CRISP2: variants seen among roughly 807,000 people sequenced by gnomAD.
The protein encoded by CRISP2 is cysteine rich secretory protein 2.
A neutral mutation model predicts 31.7 loss-of-function variants in CRISP2; 29 were observed. That is an observed-to-expected ratio of 0.92 (90% confidence interval 0.68 to 1.25). The LOEUF (loss-of-function observed/expected upper bound fraction) is 1.25. Among genes scored for constraint, CRISP2 ranks in the 50% most tolerant of loss-of-function variants. The pLI, the probability that CRISP2 is intolerant of heterozygous loss-of-function variation, is 0.00. For synonymous variants in CRISP2, 111 were observed against 101.4 expected, an observed-to-expected ratio of 1.09 and a Z score of -0.57; for missense variants, 318 against 286.5, an observed-to-expected ratio of 1.11 and a Z score of -0.79.
the CRISP2 span, among the ~76,000 whole-genome samples, chr6:49,682,628 TTTCTTTCTTTCTTTC>T: frequency 3.3e-5 from 2 of 60,048 alleles, no homozygotes; most frequent in South Asian, 1.5e-3. Context: ...TCTTTCTTTC[TTTCTTTCTTTCTTTC>T]TTCTTTCTTT....
chr6:49,683,520 C>T, the CRISP2 span, among the ~76,000 whole-genome samples: 15 of 149,584 alleles, frequency 1.0e-4, no homozygotes, highest in Admixed American at 8.0e-4. Flanking sequence ...AAAAATTAGC[C>T]GGGCACGGTG....
Position 49,713,523 on chromosome 6 carries a change from G to C in CRISP2, c.-199C>G, listed in dbSNP as rs1202297947. On this transcript the variant is annotated 5_prime_UTR_variant, in exon 1 of 10. Transcript: ENST00000339139. Reference sequence around the variant, plus strand: ...GACCTTCCTGCAGTTGGGCCGGCGCGTTGCGGCGTTGAGGAGCTGCGGCGC... The same window carrying C: ...GACCTTCCTGCAGTTGGGCCGGCGCCTTGCGGCGTTGAGGAGCTGCGGCGC... The C allele has an allele frequency of 6.6e-6, 1 of 152,256 alleles. No individual in the cohort carries two copies. The highest frequency in any genetic ancestry group is 1.5e-5 in the Non-Finnish European group (1 of 68,100). The allele number at this position is 152,256 out of a possible 1,614,324, so 9.4% of individuals were successfully genotyped here.
chr6:49,697,883 G>T lies in CRISP2; in HGVS notation c.492C>A (p.Tyr164Ter). The change falls in exon 8 of 10, where the codon TAC becomes TAA. Residue 164 changes from tyrosine (Y) to a stop codon, truncating the protein, a stop_gained. Transcript: ENST00000339139. LOFTEE classifies it high-confidence loss of function. ...ACGCAGGACAATATTGGCAAACATA[G>T]TAGTATTTTAGACTATCTTGATTGG... ...YCPNQDSLKY[Y>*]YVCQYCPAGN... 4 of 1,612,114 alleles carry T rather than the reference G, an allele frequency of 2.5e-6. No individual in the cohort carries two copies. Among genetic ancestry groups the T allele is most frequent in the Non-Finnish European group, 3.4e-6 (4 of 1,178,886 alleles).
intron 2 of CRISP2, among the ~76,000 whole-genome samples, chr6:49,711,918 A>C (rs954596324): frequency 6.6e-6 from 1 of 152,210 alleles, no homozygotes; most frequent in Non-Finnish European, 1.5e-5. Flanking sequence ...TAATACAAAT[A>C]AACGGAAATT....
rs1296451511 is a variant in CRISP2, at chr6:49,709,184, G to C, written c.13C>G (p.Pro5Ala). 1 of 1,613,538 alleles carries C rather than the reference G, an allele frequency of 6.2e-7. No homozygotes were observed. MALLPVLFLVTVLLP... is the reference protein window; with the variant it reads MALLAVLFLVTVLLP... ...AGCACAGTAACCAGAAACAACACCG[G>C]TAGTAAAGCCATTGCTGGAAACTAA... The change falls in exon 4 of 10, where the codon CCG (proline) becomes GCG (alanine). Residue 5 changes from proline (P) to alanine (A), a missense_variant. Coordinates refer to ENST00000339139, the MANE Select transcript of CRISP2 (RefSeq NM_003296.4).
chr6:49,705,933 G>C (rs1194710082), intron 4 of CRISP2, among the ~76,000 whole-genome samples: 1 of 152,094 alleles, frequency 6.6e-6, no homozygotes, highest in African/African-American at 2.4e-5. Context: ...AATGGTCTGT[G>C]AATTCTTTCA....
At chr6:49,697,111 C>T (rs1166834758) in intron 8 of CRISP2, among the ~76,000 whole-genome samples, 2 of 152,052 alleles carry the variant, frequency 1.3e-5, no homozygotes, top group African/African-American at 4.8e-5. Context: ...TGTAGCTGTG[C>T]CCCCCACCGC....
At chr6:49,702,200 C>T (rs1159581423) in intron 4 of CRISP2, among the ~76,000 whole-genome samples, 3 of 127,464 alleles carry the variant, frequency 2.4e-5, no homozygotes, top group African/African-American at 8.8e-5. Flanking sequence ...TCTTTATCCA[C>T]TCATTGATTA....
chr6:49,704,215 T>C (rs1219728273), intron 4 of CRISP2, among the ~76,000 whole-genome samples: 1 of 152,152 alleles, frequency 6.6e-6, no homozygotes, highest in African/African-American at 2.4e-5. Context: ...ATTGTTTTTT[T>C]ATTTGTGATA....
At position 49,692,606 on chromosome 6, in the gene CRISP2, T is replaced by C. The variant is rs980527724; in HGVS notation, c.*167A>G. On this transcript the variant is annotated 3_prime_UTR_variant, in exon 10 of 10. Transcript: ENST00000339139. ...GTTGTCATCATCTACTATGCTACTT[T>C]TGTAAATCATTGCCTGAAAGTGATT... The C allele has an allele frequency of 1.8e-5, 11 of 600,144 alleles. No individual in the cohort carries two copies. The highest frequency in any genetic ancestry group is 5.6e-5 in the African/African-American group (3 of 53,958). The allele number at this position is 600,144 out of a possible 1,614,324, so 37.2% of individuals were successfully genotyped here. A position where few individuals can be genotyped will look rare whatever the true frequency, so the allele number is the denominator to read the frequency against.
chr6:49,714,211 TCA>T (rs1768459045), upstream of CRISP2, among the ~76,000 whole-genome samples: 1 of 152,242 alleles, frequency 6.6e-6, no homozygotes, highest in Non-Finnish European at 1.5e-5. Context: ...TTTCTTCTAT[TCA>T]CAGTTGTTTT....
intron 4 of CRISP2, among the ~76,000 whole-genome samples, chr6:49,704,834 T>C (rs533850497): frequency 6.6e-6 from 1 of 152,286 alleles, no homozygotes; most frequent in East Asian, 1.9e-4. Flanking sequence ...GTTATGCTAA[T>C]AGTGAAGTTG....
chr6:49,695,989 G>C (rs1764674359), intron 8 of CRISP2, 65 bp from the exon 9 acceptor site: 2 of 991,702 alleles, frequency 2.0e-6, no homozygotes, highest in East Asian at 5.1e-5. Flanking sequence ...GGCAGTATCA[G>C]TCATCAAATA....
chr6:49,697,350 T>A (rs1271442323), intron 8 of CRISP2, among the ~76,000 whole-genome samples: 1 of 152,070 alleles, frequency 6.6e-6, no homozygotes, highest in African/African-American at 2.4e-5. Flanking sequence ...AAAGATGTCC[T>A]GAAAAGCCAT....
chr6:49,680,357 T>C, the CRISP2 span, among the ~76,000 whole-genome samples: 1 of 152,250 alleles, frequency 6.6e-6, no homozygotes, highest in Non-Finnish European at 1.5e-5. Flanking sequence ...CTGCATAATA[T>C]TCTATGGTGT....
At chr6:49,713,778 G>T (rs1237539052), upstream of CRISP2, among the ~76,000 whole-genome samples, 2 of 152,144 alleles carry the variant, frequency 1.3e-5, no homozygotes, top group Non-Finnish European at 1.5e-5. Context: ...GCATACCTGC[G>T]CCGTACTAGG....
downstream of CRISP2, among the ~76,000 whole-genome samples, chr6:49,691,577 A>G (rs1764056233): frequency 6.6e-6 from 1 of 151,998 alleles, no homozygotes; most frequent in African/African-American, 2.4e-5. Context: ...TGCTCATGAT[A>G]GCGATAGATC....
rs183523279 is a variant in CRISP2 at position 49,704,144 on chromosome 6, T to C, written c.67-3360A>G. 2.9e-3 allele frequency among the ~76,000 whole-genome samples: 442 copies of C among 152,282 alleles called. 1 individual carries two copies. Among genetic ancestry groups the C allele is most frequent in the Non-Finnish European group, 4.6e-3 (314 of 68,026 alleles). On this transcript the variant is annotated intron_variant, in intron 4 of 9. Transcript: ENST00000339139. ...CTTTCTTCTACTTGTTACATTTTAT[T>C]GTTGAAACTTTCCAGTATTTTTTGC...
chr6:49,709,851 C>T (rs116439713), intron 3 of CRISP2, among the ~76,000 whole-genome samples: 21 of 152,284 alleles, frequency 1.4e-4, no homozygotes, highest in Non-Finnish European at 2.4e-4. Flanking sequence ...TTCAAGTTTA[C>T]TCAATCCATT....
Sources: allele counts gnomAD v4.1 joint callset (sites outside exome capture counted in the v4.1 genomes callset), GRCh38; gene constraint gnomAD v4.1.1; transcripts MANE v1.5; gene names NCBI Gene and HGNC (gene_info 2026-07-23, HGNC 2026-07-21).